PTPRD: variants seen among roughly 807,000 people sequenced by gnomAD.
The protein encoded by PTPRD is receptor-type tyrosine-protein phosphatase delta.
PTPRD carries 34 observed loss-of-function variants against 214.5 expected under a neutral mutation model. The observed-to-expected ratio is 0.16, with a 90% confidence interval of 0.12 to 0.21. The LOEUF is 0.21. Among genes scored for constraint, PTPRD ranks in the 10% least tolerant of loss-of-function variants. The pLI is 1.00. For synonymous variants in PTPRD, 1,128 were observed against 845.7 expected, an observed-to-expected ratio of 1.33 and a Z score of -5.79; for missense variants, 2,545 against 2,398.7, an observed-to-expected ratio of 1.06 and a Z score of -1.27.
chr9:10,250,758 A>G (rs1016282212), intron 3 of PTPRD, among the ~76,000 whole-genome samples: 1 of 152,040 alleles, frequency 6.6e-6, no homozygotes, highest in Non-Finnish European at 1.5e-5. Flanking sequence ...AGGTTCAGGG[A>G]AGAAACTGTT....
chr9:8,815,412 A>G (rs1200461279), intron 11 of PTPRD, among the ~76,000 whole-genome samples: 1 of 152,236 alleles, frequency 6.6e-6, no homozygotes, highest in East Asian at 1.9e-4. Flanking sequence ...GTCTTTCCCA[A>G]TAGTTTGTTT....
intron 9 of PTPRD, among the ~76,000 whole-genome samples, chr9:9,202,845 G>C (rs1050359044): frequency 6.6e-6 from 1 of 152,128 alleles, no homozygotes. Context: ...TTACTTAAGA[G>C]TGCTTTTCTA....
chr9:10,589,082 TATAGA>T (rs1275686695), intron 2 of PTPRD, among the ~76,000 whole-genome samples: 1 of 152,176 alleles, frequency 6.6e-6, no homozygotes, highest in Non-Finnish European at 1.5e-5. Context: ...TTGTCTCATG[TATAGA>T]ATGTTACCTA....
chr9:10,590,465 A>G (rs1047251762), intron 2 of PTPRD, among the ~76,000 whole-genome samples: 1 of 151,992 alleles, frequency 6.6e-6, no homozygotes. Flanking sequence ...TTTATAGTCA[A>G]TCTTCCACAT....
chr9:9,310,018 T>C (rs1010044189), intron 9 of PTPRD, among the ~76,000 whole-genome samples: 1 of 152,118 alleles, frequency 6.6e-6, no homozygotes, highest in African/African-American at 2.4e-5. Context: ...ATCTGAAAAC[T>C]TTCTCAACTA....
chr9:8,636,260 G>C (rs1024820168), intron 13 of PTPRD, among the ~76,000 whole-genome samples: 4 of 152,164 alleles, frequency 2.6e-5, no homozygotes, highest in Non-Finnish European at 4.4e-5. Context: ...TCCCAGAACA[G>C]AGGTAGATTC....
chr9:8,895,995 G>A (rs1039320102), intron 11 of PTPRD, among the ~76,000 whole-genome samples: 4 of 152,112 alleles, frequency 2.6e-5, no homozygotes, highest in African/African-American at 9.7e-5. Context: ...AATCAAGAGA[G>A]CTATTTAAAA....
At chr9:9,688,596 T>C (rs538352727) in intron 7 of PTPRD, among the ~76,000 whole-genome samples, 1 of 151,830 alleles carries the variant, frequency 6.6e-6, no homozygotes, top group East Asian at 1.9e-4. Context: ...TACGACAAAG[T>C]TTGCGTGAGT....
At chr9:9,605,022 G>C (rs1395350258) in intron 7 of PTPRD, among the ~76,000 whole-genome samples, 1 of 151,952 alleles carries the variant, frequency 6.6e-6, no homozygotes, top group Non-Finnish European at 1.5e-5. Flanking sequence ...CATAAACTCA[G>C]ATTGTTGCCT....
intron 2 of PTPRD, among the ~76,000 whole-genome samples, chr9:10,494,879 A>G (rs2041565726): frequency 6.6e-6 from 1 of 151,632 alleles, no homozygotes; most frequent in Admixed American, 6.6e-5. Flanking sequence ...CATATAATGT[A>G]TTGTAAAAAT....
intron 8 of PTPRD, among the ~76,000 whole-genome samples, chr9:9,532,448 T>G (rs969302479): frequency 6.6e-6 from 1 of 152,144 alleles, no homozygotes; most frequent in African/African-American, 2.4e-5. Context: ...AACTGGACTT[T>G]CTGCAGGCTG....
chr9:10,598,588 T>C (rs2077136969), intron 2 of PTPRD, among the ~76,000 whole-genome samples: 1 of 151,748 alleles, frequency 6.6e-6, no homozygotes, highest in Non-Finnish European at 1.5e-5. Context: ...TCTGAGAAAT[T>C]TGCCATAAGA....
intron 7 of PTPRD, among the ~76,000 whole-genome samples, chr9:9,646,318 GGTGTGTGTGTGT>G (rs369865111): frequency 7.3e-6 from 1 of 137,238 alleles, no homozygotes; most frequent in Non-Finnish European, 1.6e-5. Flanking sequence ...TGTGTGTGTG[GGTGTGTGTGTGT>G]GTGTGTGTGT....
At chr9:9,398,470 T>C (rs561339773) in intron 8 of PTPRD, among the ~76,000 whole-genome samples, 37 of 152,146 alleles carry the variant, frequency 2.4e-4, no homozygotes, top group African/African-American at 8.9e-4. Flanking sequence ...AGATAGCATA[T>C]GGTGCACATT....
At position 8,925,526 on chromosome 9, in the gene PTPRD, A is replaced by AAC. The variant is rs145203050; in HGVS notation, c.-104+93170_-104+93171insGT. ...AAAAACAAAACAAAGAAAACAAACA[A>AAC]AAAAAACCAACTACAAGTTGCTAAG... On this transcript the variant is annotated intron_variant, in intron 11 of 45. Transcript: ENST00000381196. 3.6e-3 allele frequency among the ~76,000 whole-genome samples: 420 copies of AAC among 116,120 alleles called. 3 individuals carry two copies. The highest frequency in any genetic ancestry group is 0.01 in the African/African-American group (400 of 38,964). 76.2% of individuals were successfully genotyped at this position (116,120 alleles called of 152,430 possible). A position where few individuals can be genotyped will look rare whatever the true frequency, so the allele number is the denominator to read the frequency against.
intron 11 of PTPRD, among the ~76,000 whole-genome samples, chr9:8,743,151 G>C (rs968765960): frequency 2.0e-5 from 3 of 149,618 alleles, no homozygotes; most frequent in Admixed American, 6.7e-5. Flanking sequence ...CTAATACATT[G>C]CTTTCTAAAC....
chr9:9,888,216 C>A (rs748023664), intron 5 of PTPRD, among the ~76,000 whole-genome samples: 1 of 152,154 alleles, frequency 6.6e-6, no homozygotes, highest in Non-Finnish European at 1.5e-5. Flanking sequence ...ATGGAGGAAT[C>A]TGTCAGTGAA....
intron 7 of PTPRD, among the ~76,000 whole-genome samples, chr9:9,702,397 CA>C (rs2097523919): frequency 6.6e-6 from 1 of 152,166 alleles, no homozygotes; most frequent in Non-Finnish European, 1.5e-5. Context: ...AGCATAGTTT[CA>C]CAGTGGGCTT....
In PTPRD at chr9:8,433,123, C is replaced by G. The variant is rs183246616; in HGVS notation, c.4086+3469G>C. ...TGCATAATGACATTTCAGTCCACAA[C>G]AAACCACAAATAAGAGACTGATCCA... is the stretch of plus-strand genomic sequence containing the variant. On this transcript the variant is annotated intron_variant, in intron 35 of 45. Transcript: ENST00000381196. Among the ~76,000 whole-genome samples, 4 of 152,250 alleles carry G rather than the reference C, an allele frequency of 2.6e-5. No individual in the cohort carries two copies. In the East Asian group the frequency reaches 7.7e-4, roughly 29 times the overall value.
Sources: gnomAD v4.1 joint callset for allele counts (sites outside exome capture counted in the v4.1 genomes callset) on GRCh38, gnomAD v4.1.1 for gene constraint, MANE v1.5 for transcripts, NCBI Gene and HGNC (gene_info 2026-07-23, HGNC 2026-07-21) for gene names.